CLPB: variants seen among roughly 807,000 people sequenced by gnomAD.
CLPB encodes the protein ClpB family mitochondrial disaggregase, also known as mitochondrial disaggregase.
In CLPB, 40 loss-of-function variants were observed where a neutral mutation model predicts 78.4. The ratio of observed to expected loss-of-function variants is 0.51; its 90% confidence interval spans 0.40 to 0.66. The LOEUF (loss-of-function observed/expected upper bound fraction) is 0.66. Among genes scored for constraint, CLPB ranks in the 30% least tolerant of loss-of-function variants. The pLI is 0.00. For synonymous variants in CLPB, 333 were observed against 348.0 expected, an observed-to-expected ratio of 0.96 and a Z score of 0.48; for missense variants, 780 against 886.9, an observed-to-expected ratio of 0.88 and a Z score of 1.53.
chr11:72,315,099 G>A (rs1269737901), intron 7 of CLPB, among the ~76,000 whole-genome samples: 2 of 152,104 alleles, frequency 1.3e-5, no homozygotes, highest in African/African-American at 4.8e-5. Flanking sequence ...TAGGAAGAGA[G>A]TGGAAAGGCC....
chr11:72,319,371 C>T (rs1348986377), intron 6 of CLPB, among the ~76,000 whole-genome samples: 1 of 152,244 alleles, frequency 6.6e-6, no homozygotes, highest in Non-Finnish European at 1.5e-5. Context: ...GTGTTACTAA[C>T]TGAATAAATG....
intron 4 of CLPB, among the ~76,000 whole-genome samples, chr11:72,359,397 G>A (rs1950791167): frequency 6.6e-6 from 1 of 152,200 alleles, no homozygotes; most frequent in Non-Finnish European, 1.5e-5. Flanking sequence ...ACTTGGGCAT[G>A]AAGAGAGGAT....
At chr11:72,381,182 C>T (rs1414280530) in intron 3 of CLPB, among the ~76,000 whole-genome samples, 1 of 152,178 alleles carries the variant, frequency 6.6e-6, no homozygotes, top group Non-Finnish European at 1.5e-5. Flanking sequence ...ACCCATATCA[C>T]CCCTCCCCGA....
At chr11:72,433,634 ACT>A (rs1856613469) in intron 1 of CLPB, among the ~76,000 whole-genome samples, 1 of 151,598 alleles carries the variant, frequency 6.6e-6, no homozygotes, top group East Asian at 1.9e-4. Flanking sequence ...GTTGTTCCTG[ACT>A]CTGGCACCTT....
intron 4 of CLPB, among the ~76,000 whole-genome samples, chr11:72,367,715 T>C (rs564838509): frequency 1.4e-4 from 22 of 152,176 alleles, no homozygotes; most frequent in African/African-American, 5.1e-4. Context: ...TCATGCAATA[T>C]ACCCAGGTAA....
At chr11:72,411,581 A>G (rs988833852) in intron 2 of CLPB, among the ~76,000 whole-genome samples, 11 of 152,180 alleles carry the variant, frequency 7.2e-5, no homozygotes, top group African/African-American at 2.4e-5. Flanking sequence ...CAGACGCTGC[A>G]CTCAGCAAGA....
intron 2 of CLPB, among the ~76,000 whole-genome samples, chr11:72,424,885 C>CA (rs962545502): frequency 5.4e-5 from 8 of 148,278 alleles, no homozygotes; most frequent in African/African-American, 1.5e-4. Flanking sequence ...GACTCCGTCT[C>CA]AAAAAAAACA....
In CLPB at chr11:72,408,846, C is replaced by G. The variant is rs545504647; in HGVS notation, c.456-5794G>C. The stretch of plus-strand genomic sequence containing the variant: ...CTGTGTTGCTCTGCAAGTGAATGCA[C>G]AGTGGGCAGTCATTTCAAAGTCCTG... On this transcript the variant is annotated intron_variant, in intron 2 of 15. Coordinates refer to ENST00000538039, the MANE Select transcript of CLPB (RefSeq NM_001258392.3). 2.6e-5 allele frequency among the ~76,000 whole-genome samples: 4 copies of G among 152,270 alleles called. No individual in the cohort carries two copies. In the East Asian group the frequency reaches 7.7e-4, roughly 29 times the overall value.
chr11:72,361,951 G>T (rs1162098042), intron 4 of CLPB, among the ~76,000 whole-genome samples: 1 of 152,216 alleles, frequency 6.6e-6, no homozygotes, highest in Non-Finnish European at 1.5e-5. Context: ...AACAGCAGAT[G>T]AACTCAAGGA....
intron 4 of CLPB, among the ~76,000 whole-genome samples, chr11:72,379,595 A>C (rs891634609): frequency 6.6e-6 from 1 of 152,170 alleles, no homozygotes; most frequent in African/African-American, 2.4e-5. Flanking sequence ...CTCATCCCAG[A>C]GCCTCTTCAT....
At chr11:72,336,640 G>A (rs1304158958) in intron 5 of CLPB, 5 of 156,386 alleles carry the variant, frequency 3.2e-5, no homozygotes, top group Non-Finnish European at 7.0e-5. Flanking sequence ...ATTGCTAGTG[G>A]CTTTACCACC....
intron 9 of CLPB, among the ~76,000 whole-genome samples, chr11:72,305,294 T>C (rs1380288619): frequency 1.3e-5 from 2 of 152,230 alleles, no homozygotes; most frequent in African/African-American, 4.8e-5. Flanking sequence ...TTTTCTCATC[T>C]GAAAAGTGGG....
chr11:72,321,915 A>T (rs1358592670), intron 6 of CLPB, among the ~76,000 whole-genome samples: 1 of 145,226 alleles, frequency 6.9e-6, no homozygotes, highest in East Asian at 2.0e-4. Context: ...TATGACATAG[A>T]GGCCTGGGAA....
intron 7 of CLPB, among the ~76,000 whole-genome samples, chr11:72,309,596 GA>G (rs1216360968): frequency 6.6e-6 from 1 of 152,178 alleles, no homozygotes; most frequent in East Asian, 1.9e-4. Flanking sequence ...TGAGGCAACA[GA>G]TAGAGACTTG....
At chr11:72,376,654 T>C (rs1296283070) in intron 4 of CLPB, among the ~76,000 whole-genome samples, 1 of 33,084 alleles carries the variant, frequency 3.0e-5, no homozygotes, top group Non-Finnish European at 1.6e-4. Flanking sequence ...TTATTATTAT[T>C]TTTTTTTAAC....
chr11:72,382,788 T>C (rs956992736), intron 3 of CLPB, among the ~76,000 whole-genome samples: 1 of 152,146 alleles, frequency 6.6e-6, no homozygotes, highest in Non-Finnish European at 1.5e-5. Context: ...CACCAAAGCA[T>C]GGCCAGAAGA....
chr11:72,421,670 C>G (rs1292844113), intron 2 of CLPB, among the ~76,000 whole-genome samples: 1 of 152,208 alleles, frequency 6.6e-6, no homozygotes, highest in Admixed American at 6.5e-5. Flanking sequence ...TGCGTTAGGC[C>G]CTGGCTGTTC....
chr11:72,349,356 A>G (rs1318172276), intron 5 of CLPB, among the ~76,000 whole-genome samples: 1 of 152,214 alleles, frequency 6.6e-6, no homozygotes, highest in African/African-American at 2.4e-5. Context: ...TTTTTCTGCT[A>G]CATTTAAAAA....
intron 2 of CLPB, among the ~76,000 whole-genome samples, chr11:72,408,481 C>T (rs1855775559): frequency 6.6e-6 from 1 of 151,934 alleles, no homozygotes; most frequent in African/African-American, 2.4e-5. Flanking sequence ...TCCTGGCTGA[C>T]ACGGTGAAAC....
Sources: allele counts gnomAD v4.1 joint callset (sites outside exome capture counted in the v4.1 genomes callset), GRCh38; gene constraint gnomAD v4.1.1; transcripts MANE v1.5; gene names NCBI Gene and HGNC (gene_info 2026-07-23, HGNC 2026-07-21).